Variants in AFAP1L2 observed in about 807,000 individuals in gnomAD.
AFAP1L2 encodes the protein actin filament-associated protein 1-like 2.
Under a neutral mutation model 99.3 loss-of-function variants are expected in AFAP1L2, and 46 were observed. That is an observed-to-expected ratio of 0.46 (90% CI 0.37 to 0.59). The LOEUF (loss-of-function observed/expected upper bound fraction) is 0.59, where lower values mean the gene tolerates loss of function less well. Among genes scored for constraint, AFAP1L2 ranks in the 20% least tolerant of loss-of-function variants. The pLI is 0.00. For synonymous variants in AFAP1L2, 397 were observed against 419.1 expected, an observed-to-expected ratio of 0.95 and a Z score of 0.64; for missense variants, 959 against 1,034.9, an observed-to-expected ratio of 0.93 and a Z score of 1.01.
intron 5 of AFAP1L2, among the ~76,000 whole-genome samples, chr10:114,318,468 G>T (rs1260470146): frequency 1.3e-5 from 2 of 152,152 alleles, no homozygotes; most frequent in Non-Finnish European, 2.9e-5. Context: ...GCTGGGCATG[G>T]TGGCTCACAC....
chr10:114,318,904 A>G (rs925976999), intron 5 of AFAP1L2, among the ~76,000 whole-genome samples: 1 of 152,094 alleles, frequency 6.6e-6, no homozygotes, highest in Non-Finnish European at 1.5e-5. Context: ...CTGTAATTCC[A>G]GTACTTTGGA....
chr10:114,385,180 G>A (rs570112095), intron 1 of AFAP1L2, among the ~76,000 whole-genome samples: 1 of 152,256 alleles, frequency 6.6e-6, no homozygotes, highest in South Asian at 2.1e-4. Flanking sequence ...CAAAGTCCTG[G>A]CTGGACCAGC....
At chr10:114,306,314 T>TG in intron 10 of AFAP1L2, among the ~76,000 whole-genome samples, 1 of 3,170 alleles carries the variant, frequency 3.2e-4, no homozygotes, top group Non-Finnish European at 7.9e-4. Context: ...GGGACGCAGA[T>TG]CCAGGAGGGG....
At chr10:114,300,734 T>A (rs1270629628) in intron 13 of AFAP1L2, 44 bp from the exon 14 acceptor site, 2 of 1,540,990 alleles carry the variant, frequency 1.3e-6, no homozygotes, top group African/African-American at 1.4e-5. Flanking sequence ...TTACCTCTAC[T>A]CCCTCAGCTG....
intron 5 of AFAP1L2, among the ~76,000 whole-genome samples, chr10:114,318,697 G>C (rs192588487): frequency 2.0e-5 from 3 of 147,380 alleles, no homozygotes; most frequent in African/African-American, 7.5e-5. Context: ...AGCTGAGATC[G>C]CGCCACTGCA....
At chr10:114,393,843 C>A (rs1241196721) in intron 1 of AFAP1L2, among the ~76,000 whole-genome samples, 2 of 152,204 alleles carry the variant, frequency 1.3e-5, no homozygotes, top group Non-Finnish European at 2.9e-5. Context: ...CGCTGAGAAG[C>A]AAGGAGGTCA....
intron 1 of AFAP1L2, among the ~76,000 whole-genome samples, chr10:114,346,442 C>T (rs1250253982): frequency 6.6e-6 from 1 of 152,196 alleles, no homozygotes. Context: ...CGATTCTCCT[C>T]CAGACACACC....
rs2133989156 is a variant in AFAP1L2 at position 114,300,331 on chromosome 10, G to A, written c.1820C>T (p.Ser607Phe). 10 of 1,614,172 alleles carry A rather than the reference G, an allele frequency of 6.2e-6. No individual in the cohort carries two copies. Among genetic ancestry groups the A allele is most frequent in the Non-Finnish European group, 8.5e-6 (10 of 1,180,022 alleles). ...GATTTTGACGGTGGTGATTCTCAGG[G>A]AAGGATCCTCTGGCTCCAAACTCTC... is the stretch of plus-strand genomic sequence containing the variant. ...QLESLEPEDP[S>F]LRITTVKIQT... The change falls in exon 15 of 19, where the codon TCC becomes TTC. Residue 607 changes from serine (S) to phenylalanine (F), a missense_variant. Around this residue, in one of 2 missense-constraint regions of AFAP1L2, gnomAD observed 576 missense variants for 562.1 expected, o/e 1.02. Coordinates refer to ENST00000304129, the MANE Select transcript of AFAP1L2 (RefSeq NM_001001936.3).
At chr10:114,346,520 C>A (rs1042508329) in intron 1 of AFAP1L2, among the ~76,000 whole-genome samples, 8 of 152,168 alleles carry the variant, frequency 5.3e-5, no homozygotes, top group African/African-American at 1.9e-4. Context: ...GAGTGCCAAC[C>A]TCAGTGACAT....
chr10:114,319,083 G>T (rs2044653159), intron 5 of AFAP1L2, among the ~76,000 whole-genome samples: 1 of 152,174 alleles, frequency 6.6e-6, no homozygotes, highest in South Asian at 2.1e-4. Flanking sequence ...GAACCTGGGA[G>T]GTGAAGGTTG....
downstream of AFAP1L2, chr10:114,294,720 G>T: frequency 2.7e-6 from 2 of 742,108 alleles, no homozygotes; most frequent in South Asian, 6.2e-5. Flanking sequence ...TGAGTTTCCT[G>T]CTAGGATCCC....
At chr10:114,385,184 G>A (rs1017499472) in intron 1 of AFAP1L2, among the ~76,000 whole-genome samples, 2 of 152,144 alleles carry the variant, frequency 1.3e-5, no homozygotes, top group Admixed American at 6.5e-5. Context: ...GTCCTGGCTG[G>A]ACCAGCAGGG....
At chr10:114,386,765 G>T (rs1032506508) in intron 1 of AFAP1L2, among the ~76,000 whole-genome samples, 1 of 152,206 alleles carries the variant, frequency 6.6e-6, no homozygotes, top group African/African-American at 2.4e-5. Context: ...ACCCAGCAAC[G>T]GCACATCCCC....
Position 114,337,021 on chromosome 10 carries a change from C to T in AFAP1L2, c.145+3582G>A, listed in dbSNP as rs547099437. Among the ~76,000 whole-genome samples, 5 of 152,366 alleles carry T rather than the reference C, an allele frequency of 3.3e-5. No individual in the cohort carries two copies. The South Asian group carries it at 1.0e-3, about 32-fold the overall frequency. On this transcript the variant is annotated intron_variant, in intron 2 of 18. Coordinates refer to ENST00000304129, the MANE Select transcript of AFAP1L2 (RefSeq NM_001001936.3). ...GGCTATCTTGAGATGATCACCTCGC[C>T]TCCACCTACAAGTCTCAACAGGCTG... is the stretch of plus-strand genomic sequence containing the variant.
intron 5 of AFAP1L2, among the ~76,000 whole-genome samples, chr10:114,322,447 T>C (rs1052887422): frequency 7.2e-5 from 11 of 152,216 alleles, no homozygotes; most frequent in African/African-American, 1.7e-4. Flanking sequence ...TCTCCTGCCT[T>C]GACGCTTTTG....
At chr10:114,293,141 A>T (rs903487659), downstream of AFAP1L2, among the ~76,000 whole-genome samples, 1 of 152,252 alleles carries the variant, frequency 6.6e-6, no homozygotes, top group African/African-American at 2.4e-5. Flanking sequence ...AGATATTAAA[A>T]AGTCTGGTGT....
intron 1 of AFAP1L2, among the ~76,000 whole-genome samples, chr10:114,374,829 T>C (rs2054586772): frequency 5.8e-5 from 1 of 17,198 alleles, no homozygotes; most frequent in African/African-American, 2.5e-4. Context: ...GAATGGAGGA[T>C]GGGGGCAGAG....
intron 1 of AFAP1L2, among the ~76,000 whole-genome samples, chr10:114,379,541 G>A (rs996939174): frequency 3.3e-5 from 5 of 152,278 alleles, no homozygotes; most frequent in East Asian, 1.9e-4. Flanking sequence ...TAAAACAAAC[G>A]GTCTGGAGGA....
chr10:114,282,602 T>C, the AFAP1L2 span: 3 of 1,605,094 alleles, frequency 1.9e-6, no homozygotes, highest in South Asian at 1.1e-5. Context: ...TTACAGGTTC[T>C]TTCAGGGCCC....
Sources: allele counts gnomAD v4.1 joint callset (sites outside exome capture counted in the v4.1 genomes callset), GRCh38; gene constraint gnomAD v4.1.1; regional missense constraint gnomAD v4.1.1; transcripts MANE v1.5; gene names NCBI Gene and HGNC (gene_info 2026-07-23, HGNC 2026-07-21).